Variants in EXOC6 observed in about 807,000 individuals in gnomAD.
EXOC6 encodes the protein exocyst complex component 6.
A neutral mutation model predicts 112.5 loss-of-function variants in EXOC6; 60 were observed. The observed-to-expected ratio is 0.53, with a 90% CI of 0.43 to 0.66. The LOEUF is 0.66. Ranked by LOEUF, EXOC6 falls within the 30% of genes least tolerant of loss-of-function variation. The pLI is 0.00. For missense variants in EXOC6, 855 were observed against 957.1 expected, an observed-to-expected ratio of 0.89 and a Z score of 1.41; for synonymous variants, 295 against 308.0, an observed-to-expected ratio of 0.96 and a Z score of 0.44.
Position 92,934,319 on chromosome 10 carries a change from G to A in EXOC6, c.1029G>A (p.Val343=), listed in dbSNP as rs774517311. 72 of 1,578,228 alleles carry A rather than the reference G, an allele frequency of 4.6e-5. No homozygotes were observed. The highest frequency in any genetic ancestry group is 6.0e-5 in the Non-Finnish European group (70 of 1,168,010). ...TAATTACTGTTTTTAGGTTCTTTGTGGTAGAAGATCACATTTTACATGTGA... is the reference window on the plus strand; with the variant it reads ...TAATTACTGTTTTTAGGTTCTTTGTAGTAGAAGATCACATTTTACATGTGA... ...RYFTQIVGFF[V]VEDHILHVTQ... The change falls in exon 11 of 22, where the codon GTG becomes GTA. Residue 343 remains valine (V), a synonymous_variant. Coordinates refer to ENST00000260762, the MANE Select transcript of EXOC6 (RefSeq NM_019053.6).
intron 1 of EXOC6, among the ~76,000 whole-genome samples, chr10:92,858,337 G>C (rs1175406503): frequency 6.6e-6 from 1 of 151,718 alleles, no homozygotes; most frequent in Non-Finnish European, 1.5e-5. Flanking sequence ...CTCTACTTTG[G>C]TGCTCCCATC....
At chr10:92,889,288 C>G (rs76373299) in intron 1 of EXOC6, among the ~76,000 whole-genome samples, 1 of 152,276 alleles carries the variant, frequency 6.6e-6, no homozygotes, top group African/African-American at 2.4e-5. Context: ...TCCTAACACT[C>G]TAATGTAGAT....
chr10:92,934,101 C>T, intron 9 of EXOC6, 43 bp from the exon 10 acceptor site: 1 of 1,171,988 alleles, frequency 8.5e-7, no homozygotes, highest in Non-Finnish European at 1.2e-6. Flanking sequence ...TTTATGTTAC[C>T]AGTATTTATT....
chr10:93,001,887 G>GT (rs1469176502), intron 19 of EXOC6, among the ~76,000 whole-genome samples: 1 of 152,130 alleles, frequency 6.6e-6, no homozygotes, highest in Non-Finnish European at 1.5e-5. Context: ...ATGTGATATA[G>GT]TTTTAGATCC....
At chr10:92,923,890 C>T (rs1851572845) in intron 8 of EXOC6, among the ~76,000 whole-genome samples, 1 of 152,048 alleles carries the variant, frequency 6.6e-6, no homozygotes, top group African/African-American at 2.4e-5. Context: ...TACCATGGTG[C>T]ATTGTCTTGA....
At chr10:92,899,781 C>T (rs1039998841) in intron 5 of EXOC6, 137 bp downstream of exon 5, 7 of 576,192 alleles carry the variant, frequency 1.2e-5, no homozygotes, top group East Asian at 3.0e-5. Context: ...TTAAAATTTG[C>T]GCATCAGGAT....
chr10:92,859,618 A>G (rs919151700), intron 1 of EXOC6, among the ~76,000 whole-genome samples: 1 of 152,200 alleles, frequency 6.6e-6, no homozygotes, highest in East Asian at 1.9e-4. Context: ...GGAAAATAGG[A>G]TAGGCAGAGA....
chr10:92,910,741 A>G (rs1006422751), intron 6 of EXOC6, among the ~76,000 whole-genome samples: 1 of 152,146 alleles, frequency 6.6e-6, no homozygotes, highest in Non-Finnish European at 1.5e-5. Flanking sequence ...CATCCTGGCT[A>G]ACACGGTGAA....
chr10:93,047,948 AAAACAAAC>A (rs957410556), intron 20 of EXOC6, among the ~76,000 whole-genome samples: 1 of 152,216 alleles, frequency 6.6e-6, no homozygotes, highest in Non-Finnish European at 1.5e-5. Flanking sequence ...TCCATCTCAA[AAAACAAAC>A]AAACAAACAA....
chr10:92,844,034 C>G (rs1846960358), upstream of EXOC6, among the ~76,000 whole-genome samples: 1 of 148,552 alleles, frequency 6.7e-6, no homozygotes, highest in South Asian at 2.2e-4. Flanking sequence ...GCCTGTAGTC[C>G]CAGCTACACA....
intron 20 of EXOC6, among the ~76,000 whole-genome samples, chr10:93,043,512 A>G (rs1279706178): frequency 6.6e-6 from 1 of 152,182 alleles, no homozygotes; most frequent in African/African-American, 2.4e-5. Flanking sequence ...TGGGCCAGGC[A>G]CTGTTTTTAT....
chr10:92,881,990 C>T (rs926947192), intron 1 of EXOC6, among the ~76,000 whole-genome samples: 3 of 152,148 alleles, frequency 2.0e-5, no homozygotes, highest in Non-Finnish European at 4.4e-5. Flanking sequence ...ACCTCTTTTT[C>T]TTTATCAATT....
At chr10:92,986,594 G>T (rs1456713874) in intron 18 of EXOC6, among the ~76,000 whole-genome samples, 1 of 149,720 alleles carries the variant, frequency 6.7e-6, no homozygotes, top group Non-Finnish European at 1.5e-5. Context: ...GATACTGGAA[G>T]TTCAGCTTCC....
intron 8 of EXOC6, among the ~76,000 whole-genome samples, chr10:92,920,462 T>G (rs993970684): frequency 2.0e-5 from 3 of 152,162 alleles, no homozygotes; most frequent in African/African-American, 7.2e-5. Context: ...TTCGGTGGTT[T>G]TAGCATATTC....
intron 20 of EXOC6, among the ~76,000 whole-genome samples, chr10:93,017,055 A>T (rs1228306675): frequency 6.6e-6 from 1 of 151,970 alleles, no homozygotes; most frequent in Non-Finnish European, 1.5e-5. Context: ...ACCTCAGGTG[A>T]TTCACTTGCC....
intron 20 of EXOC6, among the ~76,000 whole-genome samples, chr10:93,031,719 G>T (rs1845286562): frequency 6.6e-6 from 1 of 151,874 alleles, no homozygotes; most frequent in Non-Finnish European, 1.5e-5. Flanking sequence ...CACCATGTTG[G>T]TCAGGCTGGT....
At chr10:92,959,144 AAAC>A (rs1262843198) in intron 17 of EXOC6, among the ~76,000 whole-genome samples, 1 of 152,162 alleles carries the variant, frequency 6.6e-6, no homozygotes, top group Non-Finnish European at 1.5e-5. Flanking sequence ...GGTATTGGAC[AAAC>A]AACAGACAAA....
At chr10:92,886,575 A>G (rs1460956254) in intron 1 of EXOC6, among the ~76,000 whole-genome samples, 1 of 152,218 alleles carries the variant, frequency 6.6e-6, no homozygotes, top group Admixed American at 6.5e-5. Flanking sequence ...GAGTCTATGT[A>G]ATATAGTAGT....
chr10:92,836,021 C>T (rs915807329), intron 1 of EXOC6, among the ~76,000 whole-genome samples: 1 of 152,164 alleles, frequency 6.6e-6, no homozygotes, highest in African/African-American at 2.4e-5. Context: ...TGTGCATCCA[C>T]CTAGTGGCTA....
Sources: gnomAD v4.1 joint callset for allele counts (sites outside exome capture counted in the v4.1 genomes callset) on GRCh38, gnomAD v4.1.1 for gene constraint, MANE v1.5 for transcripts, NCBI Gene and HGNC (gene_info 2026-07-23, HGNC 2026-07-21) for gene names.